The following SLC8A1 variants were observed in gnomAD, a reference collection of about 807,000 sequenced individuals.
SLC8A1 encodes the protein sodium/calcium exchanger 1.
SLC8A1 carries 18 observed loss-of-function variants against 68.3 expected under a neutral mutation model. The ratio of observed to expected loss-of-function variants is 0.26; its 90% CI spans 0.18 to 0.39. The LOEUF (loss-of-function observed/expected upper bound fraction) is 0.39. Ranked by LOEUF, SLC8A1 falls within the 10% of genes least tolerant of loss-of-function variation. SLC8A1 has a pLI of 1.00. For missense variants in SLC8A1, 985 were observed against 1,156.7 expected (o/e 0.85, Z 2.15); for synonymous variants, 475 against 415.5 (o/e 1.14, Z -1.74).
intron 1 of SLC8A1, among the ~76,000 whole-genome samples, chr2:40,443,450 G>A (rs1043600631): frequency 6.6e-6 from 1 of 152,148 alleles, no homozygotes; most frequent in Non-Finnish European, 1.5e-5. Flanking sequence ...TTGTTGAATT[G>A]TAAGGTCTTA....
At chr2:40,426,033 A>G (rs2149769866) in intron 2 of SLC8A1, among the ~76,000 whole-genome samples, 1 of 152,088 alleles carries the variant, frequency 6.6e-6, no homozygotes, top group Middle Eastern at 3.4e-3. Context: ...TGCTTAATTT[A>G]AGGTTAAGTC....
intron 2 of SLC8A1, among the ~76,000 whole-genome samples, chr2:40,225,923 C>T (rs407267): frequency 0.14 from 21,345 of 152,174 alleles, 1,847 homozygotes; most frequent in African/African-American, 0.22. Flanking sequence ...TATTTATACA[C>T]TGCTTTGCAG....
chr2:40,249,492 TG>T (rs897342251), intron 2 of SLC8A1, among the ~76,000 whole-genome samples: 71 of 152,310 alleles, frequency 4.7e-4, no homozygotes, highest in Middle Eastern at 3.4e-3. Context: ...AGTGCTTAAA[TG>T]GGTGGAGAGG....
chr2:40,413,194 C>T (rs567377563), intron 2 of SLC8A1, among the ~76,000 whole-genome samples: 66 of 152,232 alleles, frequency 4.3e-4, no homozygotes, highest in African/African-American at 1.5e-3. Flanking sequence ...GTCGGTGTGG[C>T]GATTCCTCAG....
chr2:40,251,030 C>T (rs768196427), intron 2 of SLC8A1: 4 of 152,120 alleles, frequency 2.6e-5, no homozygotes, highest in East Asian at 3.9e-4. Context: ...TAAAGAGTAG[C>T]AAGTTCCAAT....
At chr2:40,371,060 A>T (rs569991607) in intron 2 of SLC8A1, among the ~76,000 whole-genome samples, 2 of 152,182 alleles carry the variant, frequency 1.3e-5, no homozygotes, top group South Asian at 4.2e-4. Context: ...GTTTTGCTAC[A>T]TGGGGACAAA....
intron 1 of SLC8A1, among the ~76,000 whole-genome samples, chr2:40,476,419 A>AT (rs1704300880): frequency 1.3e-5 from 2 of 152,246 alleles, no homozygotes; most frequent in Non-Finnish European, 2.9e-5. Context: ...GACTGAAAAT[A>AT]AACAAAGATA....
At chr2:40,142,864 C>T (rs1025849882) in intron 6 of SLC8A1, among the ~76,000 whole-genome samples, 3 of 151,870 alleles carry the variant, frequency 2.0e-5, no homozygotes, top group Non-Finnish European at 2.9e-5. Context: ...CCTAAGGTTA[C>T]ATTATAGGTT....
chr2:40,308,512 A>C (rs1392111239), intron 2 of SLC8A1, among the ~76,000 whole-genome samples: 1 of 152,144 alleles, frequency 6.6e-6, no homozygotes, highest in Non-Finnish European at 1.5e-5. Context: ...CTAGGCAGTA[A>C]ATGACAGGAA....
At chr2:40,265,637 C>A in intron 2 of SLC8A1, among the ~76,000 whole-genome samples, 1 of 152,080 alleles carries the variant, frequency 6.6e-6, no homozygotes, top group East Asian at 1.9e-4. Context: ...AATTCTGTGG[C>A]TAACAAAATC....
At chr2:40,124,445 G>T (rs1377746865) in intron 7 of SLC8A1, among the ~76,000 whole-genome samples, 1 of 152,198 alleles carries the variant, frequency 6.6e-6, no homozygotes, top group Admixed American at 6.5e-5. Context: ...TCCAGCACAG[G>T]AGGCAGCAGG....
intron 2 of SLC8A1, among the ~76,000 whole-genome samples, chr2:40,365,819 G>A (rs1238118427): frequency 6.6e-6 from 1 of 151,740 alleles, no homozygotes; most frequent in Non-Finnish European, 1.5e-5. Context: ...TGGGCAATAC[G>A]GTAAGATCTC....
intron 2 of SLC8A1, among the ~76,000 whole-genome samples, chr2:40,304,744 A>G (rs1052885364): frequency 6.6e-6 from 1 of 151,914 alleles, no homozygotes; most frequent in African/African-American, 2.4e-5. Flanking sequence ...TTGGTACTGC[A>G]TTGTTTTACC....
chr2:40,412,058 G>C (rs1252364926), intron 2 of SLC8A1, among the ~76,000 whole-genome samples: 1 of 152,072 alleles, frequency 6.6e-6, no homozygotes, highest in South Asian at 2.1e-4. Flanking sequence ...TAAATAACTA[G>C]CCCAATATTA....
chr2:40,415,462 A>C (rs1693525021), intron 2 of SLC8A1, among the ~76,000 whole-genome samples: 1 of 151,466 alleles, frequency 6.6e-6, no homozygotes, highest in African/African-American at 2.4e-5. Context: ...ATGTGGTTTG[A>C]CTAGCAAACC....
chr2:40,159,936 A>T (rs1379043839), intron 6 of SLC8A1, among the ~76,000 whole-genome samples: 1 of 152,198 alleles, frequency 6.6e-6, no homozygotes, highest in Admixed American at 6.5e-5. Flanking sequence ...ACAGCTTGGG[A>T]ATCACTACGT....
intron 2 of SLC8A1, among the ~76,000 whole-genome samples, chr2:40,198,653 A>G (rs73924573): frequency 6.6e-6 from 1 of 151,848 alleles, no homozygotes; most frequent in Non-Finnish European, 1.5e-5. Flanking sequence ...ACCCAAAGTC[A>G]GAGACCTTGA....
chr2:40,175,371 C>G (rs2048287357), intron 3 of SLC8A1, 90 bp from the exon 4 acceptor site: 6 of 1,331,128 alleles, frequency 4.5e-6, no homozygotes, highest in Non-Finnish European at 5.4e-6. Context: ...GAAATCCAGG[C>G]AGATCTGATT....
chr2:40,264,483 G>A (rs1574901651), intron 2 of SLC8A1, among the ~76,000 whole-genome samples: 2 of 151,986 alleles, frequency 1.3e-5, no homozygotes, highest in East Asian at 1.9e-4. Flanking sequence ...GGATTAAGAA[G>A]ATGTGGCACA....
Sources: gnomAD v4.1 joint callset for allele counts (sites outside exome capture counted in the v4.1 genomes callset) on GRCh38, gnomAD v4.1.1 for gene constraint, MANE v1.5 for transcripts, NCBI Gene and HGNC (gene_info 2026-07-23, HGNC 2026-07-21) for gene names.